TAF2: variants seen among roughly 807,000 people sequenced by gnomAD.
The protein encoded by TAF2 is transcription initiation factor TFIID subunit 2.
In TAF2, 61 loss-of-function variants were observed where a neutral mutation model predicts 138.5. The ratio of observed to expected loss-of-function variants is 0.44; its 90% CI spans 0.36 to 0.54. The LOEUF is 0.54. Among genes scored for constraint, TAF2 ranks in the 20% least tolerant of loss-of-function variants. TAF2 has a pLI of 0.00. For missense variants in TAF2, 1,090 were observed against 1,427.9 expected (o/e 0.76, Z 3.81); for synonymous variants, 475 against 469.9 (o/e 1.01, Z -0.14).
intron 2 of TAF2, 145 bp from the exon 3 acceptor site, chr8:119,819,651 C>A (rs139191442): frequency 2.9e-6 from 2 of 681,604 alleles, no homozygotes; most frequent in Non-Finnish European, 5.2e-6. Flanking sequence ...CTCCAAGTAT[C>A]TTAATTTCAA....
Position 119,821,623 on chromosome 8 carries a change from T to G in TAF2, c.139-2117A>C, listed in dbSNP as rs535353985. Among the ~76,000 whole-genome samples the G allele has an allele frequency of 2.0e-5, 3 of 152,316 alleles. No homozygotes were observed. The South Asian group carries it at 6.2e-4, about 32-fold the overall frequency. ...AAAAGCAGGTGTTCTGGAGGTAGAC[T>G]CCCTGTATTCAAATCCTAGCTCTAC... On this transcript the variant is annotated intron_variant, in intron 2 of 25. Transcript: ENST00000378164.
intron 4 of TAF2, among the ~76,000 whole-genome samples, chr8:119,804,383 T>C (rs1270472406): frequency 1.3e-5 from 2 of 152,158 alleles, no homozygotes; most frequent in Non-Finnish European, 2.9e-5. Context: ...CTTACTGATA[T>C]AGTTTGGCTC....
At position 119,791,417 on chromosome 8, in the gene TAF2, T is replaced by C. The variant is rs758166535; in HGVS notation, c.1320A>G (p.Thr440=). Residue 440 remains threonine (T), a synonymous_variant, in exon 11 of 26, where the codon ACA becomes ACG. Transcript: ENST00000378164. ...HLHFSIKHPH[T]LSWEYYSMFQ... is the part of the protein sequence containing the mutation. The stretch of plus-strand genomic sequence containing the variant: ...ACATACTGTAGTATTCCCAGGACAG[T>C]GTATGTGGATGCTTTATTGAAAAGT... 6 of 1,613,754 alleles carry C rather than the reference T, an allele frequency of 3.7e-6. No homozygotes were observed. In the South Asian group the frequency reaches 5.5e-5, roughly 15 times the overall value.
chr8:119,755,321 ACT>A (rs766955611), intron 22 of TAF2, among the ~76,000 whole-genome samples: 44 of 152,218 alleles, frequency 2.9e-4, no homozygotes, highest in Non-Finnish European at 5.1e-4. Context: ...ACATAGTGAA[ACT>A]CTGTCTCTAC....
In TAF2 at chr8:119,824,512, G is replaced by A. The variant is rs189499402; in HGVS notation, c.139-5006C>T. ...TACAGAAATTTGCATAAGTAACAGG[G>A]AGCTGAATGTTAATCCCCAAGAAAA... On this transcript the variant is annotated intron_variant, in intron 2 of 25. Transcript: ENST00000378164. Among the ~76,000 whole-genome samples the A allele has an allele frequency of 1.6e-3, 237 of 152,276 alleles. 1 individual carries two copies. The highest frequency in any genetic ancestry group is 4.2e-3 in the East Asian group (22 of 5,178).
At chr8:119,753,434 G>A (rs1270364756) in intron 22 of TAF2, among the ~76,000 whole-genome samples, 1 of 152,090 alleles carries the variant, frequency 6.6e-6, no homozygotes. Flanking sequence ...GGTATCTATT[G>A]TCCAATGTTC....
At chr8:119,743,806 G>T (rs1819763369) in intron 24 of TAF2, among the ~76,000 whole-genome samples, 1 of 151,974 alleles carries the variant, frequency 6.6e-6, no homozygotes, top group Admixed American at 6.6e-5. Flanking sequence ...GAAATGACAA[G>T]GTAAATCTTA....
At chr8:119,785,063 AT>A (rs1822922240) in intron 15 of TAF2, 137 bp downstream of exon 15, 1 of 667,702 alleles carries the variant, frequency 1.5e-6, no homozygotes, top group African/African-American at 1.8e-5. Flanking sequence ...CTGTTTTAAC[AT>A]AGGGTTTCTA....
intron 22 of TAF2, among the ~76,000 whole-genome samples, chr8:119,747,461 G>A (rs1055451867): frequency 2.0e-5 from 3 of 152,176 alleles, no homozygotes; most frequent in Admixed American, 1.3e-4. Flanking sequence ...GGCAGTAGAC[G>A]TGGACTTGAC....
intron 22 of TAF2, among the ~76,000 whole-genome samples, chr8:119,750,340 C>CA (rs1820265960): frequency 6.6e-6 from 1 of 151,910 alleles, no homozygotes; most frequent in Non-Finnish European, 1.5e-5. Context: ...GACTCCGTCT[C>CA]AAAAAAACAA....
intron 14 of TAF2, among the ~76,000 whole-genome samples, chr8:119,787,596 C>T (rs1823113303): frequency 1.3e-5 from 2 of 152,156 alleles, no homozygotes; most frequent in South Asian, 2.1e-4. Context: ...ACAACACATG[C>T]TGGAGAGGAT....
At chr8:119,766,702 T>C (rs932625543) in intron 18 of TAF2, among the ~76,000 whole-genome samples, 2 of 151,910 alleles carry the variant, frequency 1.3e-5, no homozygotes, top group African/African-American at 2.4e-5. Context: ...AGCATGGTGG[T>C]GGATGCCTGT....
At chr8:119,788,728 G>T in intron 13 of TAF2, 62 bp downstream of exon 13, 2 of 1,160,248 alleles carry the variant, frequency 1.7e-6, no homozygotes, top group Non-Finnish European at 2.6e-6. Context: ...CCATCCCTAA[G>T]TCCCTCTTCT....
chr8:119,820,767 G>A (rs568248952), intron 2 of TAF2, among the ~76,000 whole-genome samples: 1 of 152,294 alleles, frequency 6.6e-6, no homozygotes, highest in African/African-American at 2.4e-5. Context: ...TCCCAAGTAA[G>A]AGGAGAGCCA....
chr8:119,782,959 A>G lies in TAF2; in HGVS notation c.2112+422T>C, dbSNP rs114768095. 3.3e-3 allele frequency among the ~76,000 whole-genome samples: 505 copies of G among 152,054 alleles called. 3 individuals carry two copies. The highest frequency in any genetic ancestry group is 0.012 in the African/African-American group (480 of 41,478). ...AGGGTTCGAGACCAGCCTGGGCAACATTGTGAGATCTTGTCTTTATTTAAA... is the reference window on the plus strand; with the variant it reads ...AGGGTTCGAGACCAGCCTGGGCAACGTTGTGAGATCTTGTCTTTATTTAAA... On this transcript the variant is annotated intron_variant, in intron 16 of 25. Transcript: ENST00000378164.
chr8:119,802,060 C>G lies in TAF2; in HGVS notation c.561-35G>C, dbSNP rs1406035631. On this transcript the variant is annotated intron_variant, in intron 5 of 25. Coordinates refer to ENST00000378164, the MANE Select transcript of TAF2 (RefSeq NM_003184.4). ...AGATTGACAGTATAGAAAATGTATT[C>G]AAAGAGTTCTCTACATTGTTTTCCC... The G allele has an allele frequency of 2.0e-6, 3 of 1,519,570 alleles. No homozygotes were observed. The South Asian group carries it at 3.4e-5, about 17-fold the overall frequency. The allele number at this position is 1,519,570 out of a possible 1,614,324, so 94.1% of individuals were successfully genotyped here. A position where few individuals can be genotyped will look rare whatever the true frequency, so the allele number is the denominator to read the frequency against.
At chr8:119,803,849 A>G in intron 5 of TAF2, 29 bp downstream of exon 5, 2 of 1,581,398 alleles carry the variant, frequency 1.3e-6, no homozygotes, top group Non-Finnish European at 1.7e-6. Flanking sequence ...TTAAAAATTA[A>G]TTGAAATATT....
At chr8:119,761,018 T>C (rs1821029279) in intron 19 of TAF2, among the ~76,000 whole-genome samples, 1 of 152,232 alleles carries the variant, frequency 6.6e-6, no homozygotes, top group South Asian at 2.1e-4. Context: ...GTGTTTATTA[T>C]GTCTACTGTA....
intron 12 of TAF2, among the ~76,000 whole-genome samples, chr8:119,789,248 A>G (rs762069652): frequency 2.0e-5 from 3 of 152,214 alleles, no homozygotes; most frequent in Non-Finnish European, 4.4e-5. Flanking sequence ...ACAAGTCACT[A>G]AACTACCACA....
Sources: gnomAD v4.1 joint callset for allele counts (sites outside exome capture counted in the v4.1 genomes callset) on GRCh38, gnomAD v4.1.1 for gene constraint, MANE v1.5 for transcripts, NCBI Gene and HGNC (gene_info 2026-07-23, HGNC 2026-07-21) for gene names.